The following UGCG variants were observed in gnomAD, a reference collection of about 807,000 sequenced individuals.
The protein encoded by UGCG is UDP-glucose ceramide glucosyltransferase, also known as ceramide glucosyltransferase.
Under a neutral mutation model 49.5 loss-of-function variants are expected in UGCG, and 10 were observed. That is an observed-to-expected ratio of 0.20 (90% CI 0.12 to 0.34). The LOEUF is 0.34. UGCG is among the 10% of genes least tolerant of loss of function. The pLI is 1.00. For synonymous variants in UGCG, 182 were observed against 158.2 expected (o/e 1.15, Z -1.13); for missense variants, 312 against 483.7 (o/e 0.65, Z 3.33).
intron 1 of UGCG, 113 bp from the exon 2 acceptor site, chr9:111,914,492 C>T: frequency 9.0e-7 from 1 of 1,111,886 alleles, no homozygotes; most frequent in South Asian, 1.9e-5. Context: ...AGAAAGATGT[C>T]AAGTTTTAAA....
chr9:111,931,479 G>T (rs911335381), intron 7 of UGCG, 122 bp downstream of exon 7: 193 of 815,888 alleles, frequency 2.4e-4, no homozygotes, highest in Admixed American at 4.7e-4. Flanking sequence ...TTGTTTAGTT[G>T]CAGAAAATAG....
intron 1 of UGCG, among the ~76,000 whole-genome samples, chr9:111,904,958 G>A (rs892165027): frequency 6.6e-6 from 1 of 152,040 alleles, no homozygotes; most frequent in African/African-American, 2.4e-5. Context: ...AGACCCCATC[G>A]CCACAGAAAA....
chr9:111,911,382 G>GA (rs1157705049), intron 1 of UGCG, among the ~76,000 whole-genome samples: 2 of 152,110 alleles, frequency 1.3e-5, no homozygotes, highest in African/African-American at 2.4e-5. Context: ...TAAAAAGGAA[G>GA]AGAGACAAGT....
intron 6 of UGCG, among the ~76,000 whole-genome samples, chr9:111,929,880 G>A (rs772683512): frequency 6.6e-5 from 10 of 152,044 alleles, no homozygotes; most frequent in East Asian, 1.9e-4. Flanking sequence ...GTGCAGTGGC[G>A]CGATCTTGGC....
chr9:111,922,895 A>G lies in UGCG; in HGVS notation c.287A>G (p.Asp96Gly), dbSNP rs761356014. Residue 96 changes from aspartate to glycine, a missense_variant, in exon 3 of 9, where the codon GAT becomes GGT. Asp to Gly is a moderately conservative substitution (Grantham distance 94). Transcript: ENST00000374279. ...CAAGATCATGATGATCCAGCCATTG[A>G]TGTATGTAAGAAGCTTCTTGGAAAA... ...CVQDHDDPAI[D>G]VCKKLLGKYP... 4 of 1,613,120 alleles carry G rather than the reference A, an allele frequency of 2.5e-6. No homozygotes were observed. Among genetic ancestry groups the G allele is most frequent in the Non-Finnish European group, 3.4e-6 (4 of 1,179,716 alleles).
intron 1 of UGCG, among the ~76,000 whole-genome samples, chr9:111,905,401 A>G (rs1837862379): frequency 1.3e-5 from 2 of 151,764 alleles, no homozygotes; most frequent in East Asian, 1.9e-4. Flanking sequence ...CTTTACTTGC[A>G]TCCTGGCTGT....
At chr9:111,911,933 T>TTCAACAGG (rs1340387546) in intron 1 of UGCG, among the ~76,000 whole-genome samples, 1 of 27,032 alleles carries the variant, frequency 3.7e-5, no homozygotes, top group Non-Finnish European at 6.8e-5. Context: ...TATATATATA[T>TTCAACAGG]ATATATATAT....
At position 111,897,138 on chromosome 9, in the gene UGCG, C is replaced by G; in HGVS notation, c.-78C>G. 1 of 1,344,218 alleles carries G rather than the reference C, an allele frequency of 7.4e-7. No homozygotes were observed. The highest frequency in any genetic ancestry group is 1.0e-6 in the Non-Finnish European group (1 of 994,800). 83.3% of individuals were successfully genotyped at this position (1,344,218 alleles called of 1,614,324 possible). ...CCTCCCGCGCCCCCGCACCGGGCGCCCACCCTGTCCTCCTCCTGCGGGAGC... is the reference window on the plus strand; with the variant it reads ...CCTCCCGCGCCCCCGCACCGGGCGCGCACCCTGTCCTCCTCCTGCGGGAGC... On this transcript the variant is annotated 5_prime_UTR_variant, in exon 1 of 9. Transcript: ENST00000374279.
rs929604909 is a variant in UGCG at position 111,915,956 on chromosome 9, A to T, written c.240+1210A>T. 5.7e-5 allele frequency: 16 copies of T among 281,622 alleles called. No homozygotes were observed. In the South Asian group the frequency reaches 1.5e-3, roughly 26 times the overall value. 17.4% of individuals were successfully genotyped at this position (281,622 alleles called of 1,614,324 possible). A position where few individuals can be genotyped will look rare whatever the true frequency, so the allele number is the denominator to read the frequency against. ...GAAGCTGTTTTGAAGCAAAAAAATT[A>T]TATGTTCTAGTTTGTGTGTGTTTAT... On this transcript the variant is annotated intron_variant, in intron 2 of 8. Transcript: ENST00000374279.
chr9:111,932,434 G>C, intron 8 of UGCG, 75 bp downstream of exon 8: 1 of 1,427,586 alleles, frequency 7.0e-7, no homozygotes, highest in Non-Finnish European at 9.5e-7. Context: ...AAAAGTTGAA[G>C]GAAATGTATC....
intron 6 of UGCG, 53 bp from the exon 7 acceptor site, chr9:111,931,218 C>A: frequency 6.5e-7 from 1 of 1,540,964 alleles, no homozygotes; most frequent in South Asian, 1.1e-5. Context: ...TAACCAGTTA[C>A]GCTTGCATGT....
At chr9:111,921,151 GC>G (rs1838215555) in intron 2 of UGCG, among the ~76,000 whole-genome samples, 1 of 151,672 alleles carries the variant, frequency 6.6e-6, no homozygotes, top group African/African-American at 2.4e-5. Flanking sequence ...TGATCCACCA[GC>G]CTTGGCTTCC....
In UGCG at chr9:111,918,294, C is replaced by T. The variant is rs563256407; in HGVS notation, c.240+3548C>T. On this transcript the variant is annotated intron_variant, in intron 2 of 8. Coordinates refer to ENST00000374279, the MANE Select transcript of UGCG (RefSeq NM_003358.3). ...TGACCTCAGTTGATTCCCCTGCCTC[C>T]GCCTCTTAAAGTGCTGGGATTGCAG... 1.2e-4 allele frequency among the ~76,000 whole-genome samples: 19 copies of T among 152,232 alleles called. No individual in the cohort carries two copies. The Middle Eastern group carries it at 0.01, about 82-fold the overall frequency.
intron 1 of UGCG, among the ~76,000 whole-genome samples, chr9:111,897,822 G>A (rs1392896956): frequency 1.3e-5 from 2 of 151,618 alleles, no homozygotes; most frequent in Non-Finnish European, 2.9e-5. Flanking sequence ...CCTGAAAAAT[G>A]TCCACCAAAC....
intron 2 of UGCG, among the ~76,000 whole-genome samples, chr9:111,921,930 G>A (rs1241709792): frequency 6.8e-6 from 1 of 146,876 alleles, no homozygotes; most frequent in Non-Finnish European, 1.5e-5. Flanking sequence ...TCCCACCTCA[G>A]CCTCCCAAGT....
chr9:111,911,906 ATATATATAT>A (rs1838004908), intron 1 of UGCG, among the ~76,000 whole-genome samples: 2 of 5,346 alleles, frequency 3.7e-4, no homozygotes, highest in Non-Finnish European at 1.4e-3. Context: ...ATTCAACAGG[ATATATATAT>A]ATATATATAT....
At chr9:111,910,316 A>C (rs564316519) in intron 1 of UGCG, among the ~76,000 whole-genome samples, 14 of 152,310 alleles carry the variant, frequency 9.2e-5, no homozygotes, top group African/African-American at 3.4e-4. Context: ...CCAGCACTTG[A>C]CCTGCATGTT....
chr9:111,932,403 C>T, intron 8 of UGCG, 44 bp downstream of exon 8: 2 of 1,538,710 alleles, frequency 1.3e-6, no homozygotes, highest in Non-Finnish European at 1.8e-6. Flanking sequence ...CTTGGTGGAA[C>T]TAGAACTATT....
At chr9:111,929,274 T>C (rs541676654) in intron 5 of UGCG, 2 of 388,880 alleles carry the variant, frequency 5.1e-6, no homozygotes, top group South Asian at 4.6e-5. Context: ...TTTTACCTTA[T>C]TTTGTATCTA....
Sources: gnomAD v4.1 joint callset for allele counts (sites outside exome capture counted in the v4.1 genomes callset) on GRCh38, gnomAD v4.1.1 for gene constraint, MANE v1.5 for transcripts, NCBI Gene and HGNC (gene_info 2026-07-23, HGNC 2026-07-21) for gene names.